Variants in PSMD1 observed in about 807,000 individuals in gnomAD.
PSMD1 encodes proteasome 26S subunit, non-ATPase 1, also known as 26S proteasome non-ATPase regulatory subunit 1.
Under a neutral mutation model 119.0 loss-of-function variants are expected in PSMD1, and 18 were observed. The observed-to-expected ratio is 0.15, with a 90% CI of 0.10 to 0.22. The LOEUF (loss-of-function observed/expected upper bound fraction) is 0.22. Ranked by LOEUF, PSMD1 falls within the 10% of genes least tolerant of loss-of-function variation. The probability of loss-of-function intolerance (pLI) is 1.00; values close to 1 mark genes in which losing one functional copy is unlikely to be tolerated. For missense variants in PSMD1, 702 were observed against 1,158.5 expected (o/e 0.61, Z 5.72); for synonymous variants, 374 against 396.6 (o/e 0.94, Z 0.68).
chr2:231,063,514 A>G (rs1276576535), intron 4 of PSMD1, among the ~76,000 whole-genome samples: 3 of 152,230 alleles, frequency 2.0e-5, no homozygotes, highest in Non-Finnish European at 4.4e-5. Context: ...TCACTTGAAC[A>G]CTTACAAGGA....
At chr2:231,057,392 G>C (rs1310926881) in intron 1 of PSMD1, among the ~76,000 whole-genome samples, 1 of 152,194 alleles carries the variant, frequency 6.6e-6, no homozygotes, top group Non-Finnish European at 1.5e-5. Context: ...CCCAGTTCTT[G>C]CCCGCAGGGG....
At chr2:231,076,633 A>C (rs1694173994) in intron 8 of PSMD1, among the ~76,000 whole-genome samples, 1 of 152,176 alleles carries the variant, frequency 6.6e-6, no homozygotes, top group Admixed American at 6.5e-5. Context: ...CAGCTGGGGC[A>C]ACAGAGAGAA....
chr2:231,091,684 C>T (rs1403539978), intron 16 of PSMD1, among the ~76,000 whole-genome samples: 1 of 152,124 alleles, frequency 6.6e-6, no homozygotes, highest in African/African-American at 2.4e-5. Context: ...GAGATGTTAT[C>T]TCACATCCTT....
chr2:231,127,289 C>A (rs12469673), intron 16 of PSMD1, among the ~76,000 whole-genome samples: 18,790 of 148,082 alleles, frequency 0.13, 1,530 homozygotes, highest in Non-Finnish European at 0.17. Flanking sequence ...AAAAAAAAAA[C>A]AAGAATTTAA....
chr2:231,156,679 A>G (rs946716813), intron 19 of PSMD1, among the ~76,000 whole-genome samples: 1 of 152,092 alleles, frequency 6.6e-6, no homozygotes, highest in African/African-American at 2.4e-5. Flanking sequence ...TTTTTAAAAA[A>G]CTTATTTATT....
At chr2:231,161,048 C>T (rs751940831) in intron 19 of PSMD1, among the ~76,000 whole-genome samples, 12 of 151,872 alleles carry the variant, frequency 7.9e-5, no homozygotes, top group Non-Finnish European at 1.8e-4. Flanking sequence ...CTCGTCTCTA[C>T]AAAAAATTTA....
rs1574773828 is a variant in PSMD1 at position 231,154,154 on chromosome 2, AGGCACAGT to A, written c.2218+492_2218+499del. Reference sequence around the variant, plus strand: ...CAAAAAAAAGTACAGGCTGTTGGCCAGGCACAGTGGCTCATGTCTGTAATCCCAGCACT... The same window carrying A: ...CAAAAAAAAGTACAGGCTGTTGGCCAGGCTCATGTCTGTAATCCCAGCACT... On this transcript the variant is annotated intron_variant, in intron 19 of 24. Transcript: ENST00000308696. 6.1e-5 allele frequency among the ~76,000 whole-genome samples: 9 copies of A among 148,238 alleles called. No homozygotes were observed. In the East Asian group the frequency reaches 1.9e-3, roughly 31 times the overall value.
intron 21 of PSMD1, among the ~76,000 whole-genome samples, chr2:231,164,583 C>T (rs1443800635): frequency 6.6e-6 from 1 of 151,948 alleles, no homozygotes; most frequent in Non-Finnish European, 1.5e-5. Flanking sequence ...AAGGAATAGC[C>T]TTGACAGCAT....
intron 16 of PSMD1, among the ~76,000 whole-genome samples, chr2:231,107,867 A>G (rs903071892): frequency 4.6e-5 from 7 of 152,196 alleles, no homozygotes; most frequent in Non-Finnish European, 7.3e-5. Flanking sequence ...CAATAGACCT[A>G]CCTGTGCTGA....
chr2:231,153,863 C>G (rs1696422536), intron 19 of PSMD1, among the ~76,000 whole-genome samples, 197 bp downstream of exon 19: 1 of 152,158 alleles, frequency 6.6e-6, no homozygotes, highest in African/African-American at 2.4e-5. Flanking sequence ...CCTATAATCC[C>G]AGCACTTTGG....
rs371675040 is a variant in PSMD1, at chr2:231,148,273, A to G, written c.2115+1917A>G. ...TAAAGAAACAAATTTTGGTCATGGA[A>G]TGCACCTCCTCTAACAGTAATACAT... On this transcript the variant is annotated intron_variant, in intron 18 of 24. Coordinates refer to ENST00000308696, the MANE Select transcript of PSMD1 (RefSeq NM_002807.4). Among the ~76,000 whole-genome samples the G allele has an allele frequency of 1.1e-4, 16 of 152,322 alleles. 1 individual carries two copies. In the East Asian group the frequency reaches 2.1e-3, roughly 20 times the overall value.
chr2:231,138,866 A>G lies in PSMD1; in HGVS notation c.1998+16A>G. 1 of 1,575,606 alleles carries G rather than the reference A, an allele frequency of 6.3e-7. No individual in the cohort carries two copies. Among genetic ancestry groups the G allele is most frequent in the African/African-American group, 1.3e-5 (1 of 74,184 alleles). ...AGGAAACAAGGTAAAGCCCACAGCC[A>G]ATGGGGTCAGTTCTTTCTTGGCGCC... On this transcript the variant is annotated intron_variant, in intron 17 of 24. Transcript: ENST00000308696.
At chr2:231,113,758 TTGA>T in intron 16 of PSMD1, 6 of 1,614,110 alleles carry the variant, frequency 3.7e-6, no homozygotes, top group Non-Finnish European at 5.1e-6. Flanking sequence ...CACTGTAATC[TTGA>T]TGAATGCTGT....
intron 23 of PSMD1, among the ~76,000 whole-genome samples, chr2:231,169,078 C>T (rs1696852875): frequency 6.6e-6 from 1 of 150,460 alleles, no homozygotes; most frequent in Non-Finnish European, 1.5e-5. Context: ...ACATGTAAAG[C>T]ATTAACAAAC....
At chr2:231,156,684 T>C (rs574636267) in intron 19 of PSMD1, among the ~76,000 whole-genome samples, 2 of 152,268 alleles carry the variant, frequency 1.3e-5, no homozygotes, top group East Asian at 1.9e-4. Flanking sequence ...AAAAAACTTA[T>C]TTATTTTATT....
intron 16 of PSMD1, among the ~76,000 whole-genome samples, chr2:231,128,186 T>A (rs1445910757): frequency 6.6e-6 from 1 of 152,232 alleles, no homozygotes; most frequent in Non-Finnish European, 1.5e-5. Flanking sequence ...CTGCTACATA[T>A]TCATTTGTGA....
intron 7 of PSMD1, among the ~76,000 whole-genome samples, chr2:231,073,367 G>T (rs1694084426): frequency 6.6e-6 from 1 of 152,154 alleles, no homozygotes; most frequent in Non-Finnish European, 1.5e-5. Context: ...TCCTTGAAGG[G>T]CAGTAAAACA....
At chr2:231,123,429 G>T in intron 16 of PSMD1, 1 of 1,613,342 alleles carries the variant, frequency 6.2e-7, no homozygotes, top group African/African-American at 1.3e-5. Context: ...TTATTGTCAA[G>T]AGGGCAATTG....
chr2:231,091,295 G>A (rs563387028), intron 16 of PSMD1, among the ~76,000 whole-genome samples: 1 of 152,328 alleles, frequency 6.6e-6, no homozygotes, highest in South Asian at 2.1e-4. Flanking sequence ...ATCTAGATAA[G>A]TTCCTTTACA....
Sources: allele counts gnomAD v4.1 joint callset (sites outside exome capture counted in the v4.1 genomes callset), GRCh38; gene constraint gnomAD v4.1.1; transcripts MANE v1.5; gene names NCBI Gene and HGNC (gene_info 2026-07-23, HGNC 2026-07-21).